The following HECW1 variants were observed in gnomAD, a reference collection of about 807,000 sequenced individuals.
The protein encoded by HECW1 is HECT, C2 and WW domain containing E3 ubiquitin protein ligase 1.
HECW1 carries 61 observed loss-of-function variants against 182.3 expected under a neutral mutation model. That is an observed-to-expected ratio of 0.33 (90% CI 0.27 to 0.41). HECW1 has a LOEUF of 0.41. HECW1 is among the 10% of genes least tolerant of loss of function. The pLI is 1.00. For missense variants in HECW1, 1,739 were observed against 2,108.9 expected (o/e 0.82, Z 3.44); for synonymous variants, 859 against 832.6 (o/e 1.03, Z -0.55).
intron 26 of HECW1, among the ~76,000 whole-genome samples, chr7:43,547,967 C>G (rs1020287172): frequency 6.6e-6 from 1 of 152,170 alleles, no homozygotes; most frequent in African/African-American, 2.4e-5. Context: ...GCAACACTTG[C>G]GTTCATCGCA....
intron 2 of HECW1, among the ~76,000 whole-genome samples, chr7:43,163,687 G>A (rs951603826): frequency 6.6e-6 from 1 of 152,110 alleles, no homozygotes; most frequent in African/African-American, 2.4e-5. Context: ...GATCAACTAA[G>A]CTCCCCCAAA....
At chr7:43,143,564 G>A (rs1328812397) in intron 2 of HECW1, among the ~76,000 whole-genome samples, 2 of 152,170 alleles carry the variant, frequency 1.3e-5, no homozygotes, top group Admixed American at 6.5e-5. Context: ...GGGATTACAG[G>A]TGTGAGCCAT....
At chr7:43,264,812 C>T in intron 3 of HECW1, among the ~76,000 whole-genome samples, 1 of 149,864 alleles carries the variant, frequency 6.7e-6, no homozygotes, top group East Asian at 2.0e-4. Flanking sequence ...CCACTGCACT[C>T]CAGCCCGGGC....
chr7:43,328,127 G>T (rs1483711617), intron 5 of HECW1, among the ~76,000 whole-genome samples: 2 of 151,758 alleles, frequency 1.3e-5, no homozygotes, highest in Non-Finnish European at 2.9e-5. Flanking sequence ...AGACCAGCCT[G>T]GGCAACAAAG....
chr7:43,444,903 C>G lies in HECW1; in HGVS notation c.1731C>G (p.Ser577Arg), dbSNP rs1033513576. The change falls in exon 11 of 30, where the codon AGC (serine) becomes AGG (arginine). Residue 577 changes from serine (S) to arginine (R), a missense_variant. This residue lies in a region of HECW1 where 971 missense variants were observed against 1,029.1 expected (regional missense o/e 0.94). Transcript: ENST00000395891. The surrounding 1 kb of genome is among the most constrained non-coding windows in gnomAD (Gnocchi z 4.3). Reference sequence around the variant, plus strand: ...GCATGCCCTCCGCCCAGGGCGGCAGCGCGGCAGAGGAGGAGGACGGCGCGG... The same window carrying G: ...GCATGCCCTCCGCCCAGGGCGGCAGGGCGGCAGAGGAGGAGGACGGCGCGG... ...LHSMPSAQGGSAAEEEDGAEE... is the reference protein window; with the variant it reads ...LHSMPSAQGGRAAEEEDGAEE... 5.6e-6 allele frequency: 9 copies of G among 1,602,000 alleles called. No homozygotes were observed. The highest frequency in any genetic ancestry group is 7.7e-6 in the Non-Finnish European group (9 of 1,173,056).
At chr7:43,248,290 C>T (rs1242987934) in intron 3 of HECW1, among the ~76,000 whole-genome samples, 1 of 152,156 alleles carries the variant, frequency 6.6e-6, no homozygotes, top group East Asian at 1.9e-4. Flanking sequence ...CAGTCTCCTT[C>T]ACCCCATACT....
At chr7:43,386,657 C>A (rs372147536) in intron 6 of HECW1, among the ~76,000 whole-genome samples, 1 of 152,114 alleles carries the variant, frequency 6.6e-6, no homozygotes, top group African/African-American at 2.4e-5. Flanking sequence ...AATTCTGCCC[C>A]ACCCACTTCC....
chr7:43,326,581 C>T (rs1810821183), intron 5 of HECW1, among the ~76,000 whole-genome samples: 13 of 152,226 alleles, frequency 8.5e-5, no homozygotes, highest in Admixed American at 8.5e-4. Context: ...CAGTCAACAC[C>T]AGACCCCCTG....
intron 2 of HECW1, among the ~76,000 whole-genome samples, chr7:43,198,825 T>A (rs1241849702): frequency 6.6e-6 from 1 of 152,084 alleles, no homozygotes; most frequent in Admixed American, 6.6e-5. Context: ...CCCGCAGTCC[T>A]CCTGAGATCC....
intron 5 of HECW1, among the ~76,000 whole-genome samples, chr7:43,354,752 A>G (rs1230143576): frequency 1.3e-5 from 2 of 152,230 alleles, no homozygotes; most frequent in African/African-American, 4.8e-5. Flanking sequence ...CAAAGAAATA[A>G]TAACAGAACA....
intron 5 of HECW1, among the ~76,000 whole-genome samples, chr7:43,345,728 C>T (rs1020862474): frequency 1.8e-4 from 27 of 151,920 alleles, no homozygotes; most frequent in African/African-American, 6.5e-4. Flanking sequence ...TAATAGTCTC[C>T]AGCCTCATCC....
chr7:43,115,613 G>C (rs1784980338), intron 2 of HECW1, among the ~76,000 whole-genome samples: 1 of 152,200 alleles, frequency 6.6e-6, no homozygotes, highest in Non-Finnish European at 1.5e-5. Context: ...GTGAAGCAAT[G>C]ATTGGTCTAA....
At chr7:43,478,019 G>A (rs1211434830) in intron 16 of HECW1, among the ~76,000 whole-genome samples, 1 of 151,786 alleles carries the variant, frequency 6.6e-6, no homozygotes, top group Non-Finnish European at 1.5e-5. Flanking sequence ...TGAAAAAAAA[G>A]GTAATAACTT....
At chr7:43,441,941 C>T (rs1229738940) in intron 9 of HECW1, among the ~76,000 whole-genome samples, 1 of 152,216 alleles carries the variant, frequency 6.6e-6, no homozygotes, top group Non-Finnish European at 1.5e-5. Flanking sequence ...TTCAACTTAA[C>T]CATTTTTTGC....
chr7:43,274,751 G>A (rs1396820961), intron 3 of HECW1, among the ~76,000 whole-genome samples: 1 of 152,064 alleles, frequency 6.6e-6, no homozygotes, highest in Non-Finnish European at 1.5e-5. Context: ...CACACTTATT[G>A]AGCACCTATG....
intron 3 of HECW1, among the ~76,000 whole-genome samples, chr7:43,280,562 G>A (rs1366393274): frequency 6.6e-6 from 1 of 152,162 alleles, no homozygotes; most frequent in Non-Finnish European, 1.5e-5. Context: ...GAAATACAAG[G>A]AGAAAAAGTT....
intron 5 of HECW1, among the ~76,000 whole-genome samples, chr7:43,351,697 T>TTA (rs1184832487): frequency 6.8e-6 from 1 of 146,090 alleles, no homozygotes; most frequent in Non-Finnish European, 1.5e-5. Context: ...TTTTTTTTTT[T>TTA]ACATTGCCTT....
chr7:43,502,118 CG>C (rs1563063440), intron 21 of HECW1, among the ~76,000 whole-genome samples: 1 of 152,220 alleles, frequency 6.6e-6, no homozygotes, highest in African/African-American at 2.4e-5. Context: ...GCATTTCAAA[CG>C]GAAGAGCCCT....
At position 43,311,853 on chromosome 7, in the gene HECW1, C is replaced by A; in HGVS notation, c.118C>A (p.Arg40=). Residue 40 remains arginine, a synonymous_variant, in exon 4 of 30, where the codon CGA becomes AGA. Coordinates refer to ENST00000395891, the MANE Select transcript of HECW1 (RefSeq NM_015052.5). ...CCGACGCCGGTGCAAGGAGCCGCTC[C>A]GATACAGCTACAACCCCGACCAGTT... ...QSRRRCKEPL[R]YSYNPDQFHN... is the part of the protein sequence containing the mutation. The A allele has an allele frequency of 6.2e-7, 1 of 1,614,230 alleles. No homozygotes were observed. The highest frequency in any genetic ancestry group is 8.5e-7 in the Non-Finnish European group (1 of 1,180,034).
Sources: gnomAD v4.1 joint callset for allele counts (sites outside exome capture counted in the v4.1 genomes callset) on GRCh38, gnomAD v4.1.1 for gene constraint, gnomAD v4.1.1 regional missense constraint, Gnocchi (gnomAD v3.1) non-coding constraint, MANE v1.5 for transcripts, NCBI Gene and HGNC (gene_info 2026-07-23, HGNC 2026-07-21) for gene names.